The following BIRC6 variants were observed in gnomAD, a reference collection of about 807,000 sequenced individuals.
BIRC6 encodes dual E2 ubiquitin-conjugating enzyme/E3 ubiquitin-protein ligase BIRC6.
BIRC6 carries 98 observed loss-of-function variants against 503.3 expected under a neutral mutation model. The ratio of observed to expected loss-of-function variants is 0.19; its 90% confidence interval spans 0.17 to 0.23. BIRC6 has a LOEUF of 0.23. BIRC6 is among the 10% of genes least tolerant of loss of function. BIRC6 has a pLI of 1.00. For synonymous variants in BIRC6, 2,240 were observed against 2,078.7 expected, an observed-to-expected ratio of 1.08 and a Z score of -2.11; for missense variants, 5,360 against 5,806.0, an observed-to-expected ratio of 0.92 and a Z score of 2.50.
chr2:32,433,866 A>G, intron 13 of BIRC6, 62 bp downstream of exon 13: 1 of 1,338,082 alleles, frequency 7.5e-7, no homozygotes, highest in Non-Finnish European at 1.0e-6. Context: ...CTGAAAACTA[A>G]TTTTCACCTT....
At chr2:32,436,542 T>C (rs565335893) in intron 15 of BIRC6, among the ~76,000 whole-genome samples, 2 of 152,292 alleles carry the variant, frequency 1.3e-5, no homozygotes, top group East Asian at 3.9e-4. Flanking sequence ...TTTTATTATA[T>C]ATTATTACAG....
intron 62 of BIRC6, 73 bp downstream of exon 62, chr2:32,543,614 T>A (rs772941135): frequency 2.1e-5 from 29 of 1,391,554 alleles, no homozygotes; most frequent in Non-Finnish European, 2.7e-5. Flanking sequence ...TCATTGCCTA[T>A]TATTCATCAT....
At chr2:32,477,009 GATGTT>G (rs1465479066) in intron 34 of BIRC6, among the ~76,000 whole-genome samples, 2 of 152,090 alleles carry the variant, frequency 1.3e-5, no homozygotes, top group Non-Finnish European at 2.9e-5. Flanking sequence ...TTTTGTACTT[GATGTT>G]ATATTAGTTT....
intron 64 of BIRC6, among the ~76,000 whole-genome samples, chr2:32,548,392 C>T (rs1298893446): frequency 5.4e-5 from 6 of 110,352 alleles, no homozygotes; most frequent in Non-Finnish European, 8.6e-5. Context: ...TTTTTTGAGA[C>T]GGAGCTCACT....
In BIRC6 at chr2:32,415,314, CAGG is replaced by C; in HGVS notation, c.2026_2028del (p.Glu676del). Reference sequence around the variant, plus strand: ...GATTATTGAAATGGAGCTGGATAGTCAGGAGCAGTTGTTATTGCAGGATCCTCC... The same window carrying C: ...GATTATTGAAATGGAGCTGGATAGTCAGCAGTTGTTATTGCAGGATCCTCC... On this transcript the variant is annotated inframe_deletion, in exon 10 of 74. Transcript: ENST00000421745. 6.2e-7 allele frequency: 1 copy of C among 1,613,988 alleles called. No homozygotes were observed. Among genetic ancestry groups the C allele is most frequent in the Non-Finnish European group, 8.5e-7 (1 of 1,179,890 alleles).
chr2:32,373,486 C>T (rs959781093), intron 1 of BIRC6, among the ~76,000 whole-genome samples: 6 of 152,114 alleles, frequency 3.9e-5, no homozygotes, highest in East Asian at 1.9e-4. Context: ...TTGGGGGAAG[C>T]GACAATCTTT....
At chr2:32,460,187 A>T (rs1287445481) in intron 23 of BIRC6, among the ~76,000 whole-genome samples, 2 of 131,928 alleles carry the variant, frequency 1.5e-5, no homozygotes, top group African/African-American at 5.7e-5. Flanking sequence ...TATATATCTC[A>T]TATGTGATAT....
intron 31 of BIRC6, 32 bp from the exon 32 acceptor site, chr2:32,470,982 G>T: frequency 1.3e-6 from 2 of 1,549,356 alleles, no homozygotes; most frequent in Non-Finnish European, 1.7e-6. Context: ...AAGTCATCTG[G>T]ATGTTTTTCC....
chr2:32,398,852 C>G (rs1028281390), intron 6 of BIRC6, among the ~76,000 whole-genome samples: 4 of 152,010 alleles, frequency 2.6e-5, no homozygotes, highest in African/African-American at 4.8e-5. Flanking sequence ...ATGTCATTTG[C>G]TTGGAAGTGC....
At chr2:32,407,398 T>C (rs1238923639) in intron 9 of BIRC6, among the ~76,000 whole-genome samples, 5 of 149,418 alleles carry the variant, frequency 3.3e-5, no homozygotes, top group Admixed American at 2.0e-4. Context: ...CGAGCTGAGA[T>C]TGCGCCATTG....
intron 66 of BIRC6, among the ~76,000 whole-genome samples, chr2:32,588,371 A>G (rs1420772298): frequency 6.6e-6 from 1 of 152,002 alleles, no homozygotes; most frequent in Non-Finnish European, 1.5e-5. Context: ...ATAAATAAAT[A>G]AGATTTTTCT....
chr2:32,544,519 A>G (rs1037970464), intron 62 of BIRC6, among the ~76,000 whole-genome samples: 2 of 140,186 alleles, frequency 1.4e-5, no homozygotes, highest in African/African-American at 2.6e-5. Context: ...TTCACTTACT[A>G]TTTATTCTAT....
intron 15 of BIRC6, among the ~76,000 whole-genome samples, chr2:32,436,825 AAGT>A (rs1249306855): frequency 6.8e-6 from 1 of 147,954 alleles, no homozygotes; most frequent in Non-Finnish European, 1.5e-5. Flanking sequence ...TGGCCTCCCA[AAGT>A]GTTGGGATTA....
intron 57 of BIRC6, chr2:32,522,840 A>G (rs2055875299): frequency 6.6e-6 from 1 of 152,190 alleles, no homozygotes. Flanking sequence ...CCCTGTATAG[A>G]TCTCTGGAGA....
intron 61 of BIRC6, among the ~76,000 whole-genome samples, chr2:32,535,947 C>T (rs944204643): frequency 5.9e-5 from 9 of 152,200 alleles, no homozygotes; most frequent in African/African-American, 2.2e-4. Context: ...TCCTATTTCT[C>T]CACATCCTCT....
At chr2:32,582,156 G>T (rs62136345) in intron 66 of BIRC6, among the ~76,000 whole-genome samples, 56,126 of 151,938 alleles carry the variant, frequency 0.37, 10,519 homozygotes, top group Non-Finnish European at 0.41. Flanking sequence ...ACCGCGCCCG[G>T]CCTGATCTAT....
chr2:32,368,665 CT>C (rs1474441914), intron 1 of BIRC6, among the ~76,000 whole-genome samples: 3 of 152,114 alleles, frequency 2.0e-5, no homozygotes, highest in Non-Finnish European at 2.9e-5. Flanking sequence ...CCCCTGTCCC[CT>C]TTTGAAACGG....
intron 27 of BIRC6, 61 bp downstream of exon 27, chr2:32,467,800 A>C (rs931120075): frequency 2.7e-6 from 4 of 1,467,806 alleles, no homozygotes; most frequent in Non-Finnish European, 3.7e-6. Context: ...GTTATGAAAA[A>C]TGAATATATA....
At chr2:32,444,817 C>A (rs558344682) in intron 20 of BIRC6, among the ~76,000 whole-genome samples, 5 of 152,190 alleles carry the variant, frequency 3.3e-5, no homozygotes, top group African/African-American at 9.6e-5. Flanking sequence ...TTAGGTAAAG[C>A]GTGTTTATAT....
Sources: allele counts gnomAD v4.1 joint callset (sites outside exome capture counted in the v4.1 genomes callset), GRCh38; gene constraint gnomAD v4.1.1; transcripts MANE v1.5; gene names NCBI Gene and HGNC (gene_info 2026-07-23, HGNC 2026-07-21).